Variants in DCDC2 observed in about 807,000 individuals in gnomAD.
The protein encoded by DCDC2 is doublecortin domain-containing protein 2.
A neutral mutation model predicts 50.2 loss-of-function variants in DCDC2; 40 were observed. That is an observed-to-expected ratio of 0.80 (90% CI 0.62 to 1.04). The LOEUF is 1.04. Among genes scored for constraint, DCDC2 ranks in the 50% least tolerant of loss-of-function variants. The pLI is 0.00. For missense variants in DCDC2, 570 were observed against 581.9 expected (o/e 0.98, Z 0.21); for synonymous variants, 234 against 210.6 (o/e 1.11, Z -0.96).
chr6:24,351,274 G>C (rs984510150), intron 2 of DCDC2, among the ~76,000 whole-genome samples: 3 of 152,284 alleles, frequency 2.0e-5, no homozygotes, highest in African/African-American at 7.2e-5. Flanking sequence ...GGGGAGGAAG[G>C]TATCTCCGGA....
intron 1 of DCDC2, among the ~76,000 whole-genome samples, chr6:24,354,797 T>C (rs1371052620): frequency 6.6e-6 from 1 of 152,176 alleles, no homozygotes; most frequent in Non-Finnish European, 1.5e-5. Context: ...AGGTTGTGAA[T>C]GTATGGTCTC....
chr6:24,247,043 G>A (rs968422940), intron 7 of DCDC2, among the ~76,000 whole-genome samples: 2 of 152,112 alleles, frequency 1.3e-5, no homozygotes, highest in African/African-American at 4.8e-5. Context: ...AGTTTGCTAA[G>A]ACTCAGGCTG....
At chr6:24,346,386 C>A (rs918288338) in intron 2 of DCDC2, among the ~76,000 whole-genome samples, 1 of 152,100 alleles carries the variant, frequency 6.6e-6, no homozygotes, top group Non-Finnish European at 1.5e-5. Context: ...TGGGGAAGTA[C>A]AACATCATGT....
At chr6:24,297,197 C>A (rs921741220) in intron 4 of DCDC2, among the ~76,000 whole-genome samples, 5 of 152,162 alleles carry the variant, frequency 3.3e-5, no homozygotes, top group African/African-American at 1.2e-4. Flanking sequence ...TCATCCTTTA[C>A]AAACTAACAC....
At chr6:24,359,997 GGGCGCCGGCCGCGC>G (rs1486089305), upstream of DCDC2, among the ~76,000 whole-genome samples, 5 of 152,206 alleles carry the variant, frequency 3.3e-5, no homozygotes, top group African/African-American at 1.2e-4. Context: ...AGGGGAGCTC[GGGCGCCGGCCGCGC>G]GGGGGCGGGG....
intron 4 of DCDC2, among the ~76,000 whole-genome samples, chr6:24,292,990 A>C (rs930185117): frequency 6.6e-6 from 1 of 152,238 alleles, no homozygotes; most frequent in African/African-American, 2.4e-5. Context: ...CAAAATAGTT[A>C]TATCTCAATC....
At chr6:24,367,208 G>A in the DCDC2 span, among the ~76,000 whole-genome samples, 1 of 152,154 alleles carries the variant, frequency 6.6e-6, no homozygotes, top group Admixed American at 6.5e-5. Flanking sequence ...CCAAAACTTG[G>A]GTAATAACAG....
At chr6:24,201,848 A>T (rs531608494) in intron 8 of DCDC2, among the ~76,000 whole-genome samples, 17 of 152,342 alleles carry the variant, frequency 1.1e-4, no homozygotes, top group Non-Finnish European at 1.9e-4. Context: ...ACCATCAGAG[A>T]ATACTATGAA....
chr6:24,275,663 T>C (rs1055282053), intron 7 of DCDC2, among the ~76,000 whole-genome samples: 3 of 152,120 alleles, frequency 2.0e-5, no homozygotes, highest in African/African-American at 4.8e-5. Context: ...TTGGAAAATA[T>C]AGACTTAAAA....
chr6:24,290,805 T>G, intron 5 of DCDC2, 127 bp downstream of exon 5: 4 of 817,468 alleles, frequency 4.9e-6, no homozygotes, highest in Non-Finnish European at 7.4e-6. Context: ...GTATACCATA[T>G]ATGCTTTCCA....
At chr6:24,226,606 G>A (rs79290883) in intron 7 of DCDC2, among the ~76,000 whole-genome samples, 11,202 of 152,302 alleles carry the variant, frequency 0.074, 698 homozygotes, top group African/African-American at 0.18. Context: ...ATTTGTGACA[G>A]TGTCAAGAAT....
intron 7 of DCDC2, among the ~76,000 whole-genome samples, chr6:24,216,436 G>A (rs1377623687): frequency 6.6e-6 from 1 of 152,168 alleles, no homozygotes; most frequent in African/African-American, 2.4e-5. Flanking sequence ...CCTTGATCTG[G>A]TCACCTAAGT....
Position 24,185,483 on chromosome 6 carries a change from TTTA to T in DCDC2, c.1024-6854_1024-6852del, listed in dbSNP as rs1283551674. 3.9e-5 allele frequency among the ~76,000 whole-genome samples: 6 copies of T among 152,280 alleles called. 1 individual carries two copies. In the South Asian group the frequency reaches 1.0e-3, roughly 26 times the overall value. On this transcript the variant is annotated intron_variant, in intron 8 of 9. Transcript: ENST00000378454. ...AAAATATCCTGAGTCTGGAACAAAA[TTTA>T]TTATTACAACGACACTACAATTCAG...
chr6:24,208,363 CTTTTTTTT>C (rs34475687), intron 7 of DCDC2, among the ~76,000 whole-genome samples: 2 of 84,404 alleles, frequency 2.4e-5, no homozygotes, highest in African/African-American at 5.2e-5. Flanking sequence ...CTCTGTGCTA[CTTTTTTTT>C]TTTTTTTTTT....
intron 7 of DCDC2, among the ~76,000 whole-genome samples, chr6:24,234,480 C>T (rs1762402076): frequency 6.6e-6 from 1 of 152,096 alleles, no homozygotes; most frequent in Non-Finnish European, 1.5e-5. Flanking sequence ...CAGAACAAAA[C>T]TCAGAAGGCA....
At chr6:24,201,064 T>C (rs1008359966) in intron 8 of DCDC2, among the ~76,000 whole-genome samples, 1 of 152,124 alleles carries the variant, frequency 6.6e-6, no homozygotes, top group Non-Finnish European at 1.5e-5. Flanking sequence ...TGGGAGACTT[T>C]AACACCCCGC....
chr6:24,312,316 C>A (rs147035465), intron 2 of DCDC2, among the ~76,000 whole-genome samples: 1 of 152,108 alleles, frequency 6.6e-6, no homozygotes, highest in Non-Finnish European at 1.5e-5. Flanking sequence ...CACATGGACA[C>A]GTAACACCTC....
chr6:24,287,476 A>G (rs1055629731), intron 6 of DCDC2, among the ~76,000 whole-genome samples: 1 of 151,770 alleles, frequency 6.6e-6, no homozygotes, highest in Non-Finnish European at 1.5e-5. Context: ...TGTCACTTCT[A>G]CTCTGTGTAC....
intron 8 of DCDC2, among the ~76,000 whole-genome samples, chr6:24,204,339 G>A (rs1381884795): frequency 6.6e-6 from 1 of 152,176 alleles, no homozygotes; most frequent in Non-Finnish European, 1.5e-5. Flanking sequence ...CTTTTGCAGG[G>A]ACATGAATGA....
Sources: gnomAD v4.1 joint callset for allele counts (sites outside exome capture counted in the v4.1 genomes callset) on GRCh38, gnomAD v4.1.1 for gene constraint, MANE v1.5 for transcripts, NCBI Gene and HGNC (gene_info 2026-07-23, HGNC 2026-07-21) for gene names.